Variants in ZAN observed in about 807,000 individuals in gnomAD.
ZAN encodes zonadhesin.
In ZAN, 260 loss-of-function variants were observed where a neutral mutation model predicts 286.2. The observed-to-expected ratio is 0.91, with a 90% CI of 0.82 to 1.01. ZAN has a LOEUF of 1.01. Ranked by LOEUF, ZAN falls within the 50% of genes least tolerant of loss-of-function variation. The probability of loss-of-function intolerance (pLI) is 0.00; values close to 1 mark genes in which losing one functional copy is unlikely to be tolerated. For missense variants in ZAN, 3,410 were observed against 3,639.2 expected, an observed-to-expected ratio of 0.94 and a Z score of 1.62; for synonymous variants, 1,368 against 1,417.5, an observed-to-expected ratio of 0.97 and a Z score of 0.79.
chr7:100,773,578 G>C lies in ZAN; in HGVS notation c.5634+85G>C, dbSNP rs562526171. On this transcript the variant is annotated intron_variant, in intron 30 of 47. Coordinates refer to ENST00000613979, the MANE Select transcript of ZAN (RefSeq NM_003386.3). ...CAAGCTCAGGAGAGGCAGGAGGAAG[G>C]CTCAGAACCTGGGAGGGGCAGGGCT... 6.9e-5 allele frequency: 108 copies of C among 1,559,858 alleles called. No individual in the cohort carries two copies. The African/African-American group carries it at 1.2e-3, about 18-fold the overall frequency.
chr7:100,797,302 ACC>A, intron 45 of ZAN, 62 bp from the exon 46 acceptor site: 1 of 1,486,566 alleles, frequency 6.7e-7, no homozygotes, highest in Non-Finnish European at 9.3e-7. Context: ...AAAAGGGAGT[ACC>A]CCTCAGTCCC....
At chr7:100,734,447 G>A (rs757982621) in intron 2 of ZAN, among the ~76,000 whole-genome samples, 5 of 139,416 alleles carry the variant, frequency 3.6e-5, no homozygotes, top group African/African-American at 1.0e-4. Context: ...GTGAAACCTC[G>A]TCTCTACTAA....
intron 33 of ZAN, 52 bp from the exon 34 acceptor site, chr7:100,776,387 GA>G: frequency 1.3e-6 from 2 of 1,548,066 alleles, no homozygotes; most frequent in South Asian, 1.2e-5. Context: ...AAGGAAGGGA[GA>G]AAAACTGTTC....
Position 100,759,961 on chromosome 7 carries a change from C to T in ZAN, c.3696+116C>T. 14 of 1,428,096 alleles carry T rather than the reference C, an allele frequency of 9.8e-6. No homozygotes were observed. In the South Asian group the frequency reaches 1.8e-4, roughly 18 times the overall value. 88.5% of individuals were successfully genotyped at this position (1,428,096 alleles called of 1,614,324 possible). A position where few individuals can be genotyped will look rare whatever the true frequency, so the allele number is the denominator to read the frequency against. On this transcript the variant is annotated intron_variant, in intron 18 of 47. Coordinates refer to ENST00000613979, the MANE Select transcript of ZAN (RefSeq NM_003386.3). The stretch of plus-strand genomic sequence containing the variant: ...GTTCAACAAGACAGTGACCTGCAAT[C>T]CCAGCTCCTTGGGAGGCTAAAGTGG...
chr7:100,767,799 C>T lies in ZAN; in HGVS notation c.4861-32C>T, dbSNP rs568231907. ...GCCTTTATCCCGAGTTCTTTCCTGA[C>T]TCTCCTTTCTACGTCCTCCCTGCCT... On this transcript the variant is annotated intron_variant, in intron 25 of 47. Coordinates refer to ENST00000613979, the MANE Select transcript of ZAN (RefSeq NM_003386.3). 9 of 1,594,070 alleles carry T rather than the reference C, an allele frequency of 5.6e-6. No individual in the cohort carries two copies. The East Asian group carries it at 1.3e-4, about 24-fold the overall frequency.
At position 100,784,635 on chromosome 7, in the gene ZAN, C is replaced by T; in HGVS notation, c.6635C>T (p.Pro2212Leu). The change falls in exon 36 of 48, where the codon CCT becomes CTT. Residue 2212 changes from proline to leucine, a missense_variant. Around this residue, in one of 7 missense-constraint regions of ZAN, gnomAD observed 1,289 missense variants for 1,314.3 expected, o/e 0.98. Transcript: ENST00000613979. ...RNSSFCPLEC[P>L]AYSSYTNCLP... is the part of the protein sequence containing the mutation. ...CCTTCACCCACAGCTCTGGAATGCC[C>T]TGCCTACAGCAGCTACACCAACTGC... The T allele has an allele frequency of 1.2e-6, 2 of 1,613,908 alleles. No homozygotes were observed. The highest frequency in any genetic ancestry group is 1.7e-6 in the Non-Finnish European group (2 of 1,179,888).
intron 25 of ZAN, 42 bp downstream of exon 25, chr7:100,767,299 C>T (rs777192862): frequency 1.4e-5 from 22 of 1,576,978 alleles, no homozygotes; most frequent in Non-Finnish European, 1.1e-5. Context: ...GAACACCCAG[C>T]CTGCTTGCTT....
At chr7:100,776,596 T>A in intron 34 of ZAN, 32 bp downstream of exon 34, 1 of 1,471,614 alleles carries the variant, frequency 6.8e-7, no homozygotes, top group Non-Finnish European at 9.0e-7. Flanking sequence ...CTAGGTTTTC[T>A]TTCTTTTTCT....
In ZAN at chr7:100,763,847, C is replaced by G; in HGVS notation, c.4028C>G (p.Ser1343Ter). ...GTGGTGAATTCCCCGTCTTGTGATTCATCTCTGCAGAGCAGCATGTCGGGG... is the reference window on the plus strand; with the variant it reads ...GTGGTGAATTCCCCGTCTTGTGATTGATCTCTGCAGAGCAGCATGTCGGGG... Reference protein sequence around the residue: ...YQVVNSPSCDSSLQSSMSGPG... With the variant: ...YQVVNSPSCD Residue 1343 changes from serine to a stop codon, truncating the protein, a stop_gained, in exon 21 of 48, where the codon TCA becomes TGA. Transcript: ENST00000613979. LOFTEE classifies it high-confidence loss of function. The surrounding 1 kb of genome is among the most constrained non-coding windows in gnomAD (Gnocchi z 4.6). 1 of 1,614,056 alleles carries G rather than the reference C, an allele frequency of 6.2e-7. No individual in the cohort carries two copies. The highest frequency in any genetic ancestry group is 8.5e-7 in the Non-Finnish European group (1 of 1,179,906).
At chr7:100,754,493 A>G (rs923247856) in intron 14 of ZAN, among the ~76,000 whole-genome samples, 1 of 151,586 alleles carries the variant, frequency 6.6e-6, no homozygotes, top group African/African-American at 2.4e-5. Flanking sequence ...AAATAAATAA[A>G]TGGAGTATTT....
In ZAN at chr7:100,765,429, G is replaced by A. The variant is rs199628462; in HGVS notation, c.4345G>A (p.Gly1449Ser). The A allele has an allele frequency of 8.2e-5, 132 of 1,613,778 alleles. 2 individuals carry two copies. The Admixed American group carries it at 1.9e-3, about 23-fold the overall frequency. The change falls in exon 23 of 48, where the codon GGC becomes AGC. Residue 1449 changes from glycine (G) to serine (S), a missense_variant. Around this residue, in one of 7 missense-constraint regions of ZAN, gnomAD observed 1,042 missense variants for 1,058.0 expected, o/e 0.98. Transcript: ENST00000613979. ...CPDTCHSGFS[G>S]MFCSDRCVEA... is the part of the protein sequence containing the mutation. ...TGACACCTGCCATTCAGGATTCTCC[G>A]GCATGTTCTGCTCAGACCGGTGCGT... is the stretch of plus-strand genomic sequence containing the variant.
chr7:100,759,251 A>T (rs571281584), intron 17 of ZAN, among the ~76,000 whole-genome samples: 15 of 149,534 alleles, frequency 1.0e-4, no homozygotes, highest in African/African-American at 3.7e-4. Flanking sequence ...AAAAAAAATT[A>T]AAAAATCAGC....
intron 42 of ZAN, 200 bp downstream of exon 42, chr7:100,792,679 AG>A (rs2116337749): frequency 7.4e-7 from 1 of 1,343,910 alleles, no homozygotes; most frequent in Admixed American, 3.2e-5. Context: ...CCTTAGTCCC[AG>A]GTCCAAGTCA....
At chr7:100,764,751 G>A (rs1809836361) in intron 22 of ZAN, among the ~76,000 whole-genome samples, 3 of 149,570 alleles carry the variant, frequency 2.0e-5, no homozygotes, top group Admixed American at 6.7e-5. Context: ...GGCAACGGGC[G>A]CCTGTAATCC....
rs1178334262 is a variant in ZAN at position 100,742,188 on chromosome 7, G to T, written c.766+3575G>T. Among the ~76,000 whole-genome samples, 2 of 106,758 alleles carry T rather than the reference G, an allele frequency of 1.9e-5. 1 individual carries two copies. Among genetic ancestry groups the T allele is most frequent in the African/African-American group, 7.5e-5 (2 of 26,534 alleles). The allele number at this position is 106,758 out of a possible 152,430, so 70.0% of individuals were successfully genotyped here. A position where few individuals can be genotyped will look rare whatever the true frequency, so the allele number is the denominator to read the frequency against. On this transcript the variant is annotated intron_variant, in intron 7 of 47. Transcript: ENST00000613979. ...CAGAGACGCTCCTCACCTCCCAGAC[G>T]GGGTCTCGGCCGGGCAGAAGCGCTC... is the stretch of plus-strand genomic sequence containing the variant.
rs1213131848 is a variant in ZAN at position 100,763,932 on chromosome 7, G to A, written c.4097+16G>A. On this transcript the variant is annotated intron_variant, in intron 21 of 47. Transcript: ENST00000613979. This position sits in a 1 kb window ranked among gnomAD's most constrained non-coding sequence, Gnocchi z 4.6. ...GCCCATTTGAGTATGAAGGAGGGCA[G>A]GCAGGGTCGCACAGGGGCGATGCTT... 1 of 1,611,930 alleles carries A rather than the reference G, an allele frequency of 6.2e-7. No homozygotes were observed. Among genetic ancestry groups the A allele is most frequent in the Non-Finnish European group, 8.5e-7 (1 of 1,178,950 alleles).
intron 23 of ZAN, 60 bp from the exon 24 acceptor site, chr7:100,766,465 G>GA (rs549425240): frequency 5.5e-5 from 83 of 1,504,998 alleles, no homozygotes; most frequent in South Asian, 3.7e-4. Context: ...TCAGATCTGG[G>GA]AAAAAACAAA....
intron 18 of ZAN, 43 bp downstream of exon 18, chr7:100,759,888 G>C (rs376749556): frequency 6.3e-7 from 1 of 1,593,084 alleles, no homozygotes; most frequent in Non-Finnish European, 8.6e-7. Flanking sequence ...GGGTCTGACT[G>C]TGTGTCCTGG....
At chr7:100,734,846 T>G (rs1297767239) in intron 2 of ZAN, among the ~76,000 whole-genome samples, 4 of 139,114 alleles carry the variant, frequency 2.9e-5, no homozygotes, top group Admixed American at 2.2e-4. Context: ...AGACCCAGGG[T>G]GGACCCAGCT....
Sources: allele counts gnomAD v4.1 joint callset (sites outside exome capture counted in the v4.1 genomes callset), GRCh38; gene constraint gnomAD v4.1.1; regional missense constraint gnomAD v4.1.1; non-coding constraint Gnocchi (gnomAD v3.1); transcripts MANE v1.5; gene names NCBI Gene and HGNC (gene_info 2026-07-23, HGNC 2026-07-21).